Variants in ZNF571 observed in about 807,000 individuals in gnomAD.
ZNF571 encodes the protein zinc finger protein 571.
Under a neutral mutation model 7.7 loss-of-function variants are expected in ZNF571, and 4 were observed. The ratio of observed to expected loss-of-function variants is 0.52; its 90% confidence interval spans 0.25 to 1.18. The LOEUF (loss-of-function observed/expected upper bound fraction) is 1.18. Ranked by LOEUF, ZNF571 falls within the 50% of genes most tolerant of loss-of-function variation. The pLI, the probability that ZNF571 is intolerant of heterozygous loss-of-function variation, is 0.14. For missense variants in ZNF571, 704 were observed against 726.9 expected (o/e 0.97, Z 0.36); for synonymous variants, 251 against 232.4 (o/e 1.08, Z -0.73).
intron 1 of ZNF571, among the ~76,000 whole-genome samples, chr19:37,588,864 A>G (rs2043774302): frequency 6.6e-6 from 1 of 152,226 alleles, no homozygotes; most frequent in African/African-American, 2.4e-5. Flanking sequence ...TTTATAACAC[A>G]TACCCAAATT....
intron 2 of ZNF571, chr19:37,586,006 T>C (rs73033122): frequency 0.27 from 40,651 of 152,166 alleles, 6,475 homozygotes; most frequent in Non-Finnish European, 0.37. Context: ...TCTCCAGTCC[T>C]CTAGAACCTC....
At chr19:37,594,711 G>C (rs1221898127) in intron 1 of ZNF571, 30 bp downstream of exon 1, 1 of 152,304 alleles carries the variant, frequency 6.6e-6, no homozygotes, top group South Asian at 2.1e-4. Flanking sequence ...CAAAAGCTGC[G>C]AGCGGTTCCC....
intron 2 of ZNF571, 143 bp from the exon 3 acceptor site, chr19:37,584,240 T>C (rs1474657944): frequency 1.0e-6 from 1 of 1,000,576 alleles, no homozygotes; most frequent in African/African-American, 1.6e-5. Context: ...ATTAACCTGA[T>C]TCTCTATCAT....
intron 1 of ZNF571, among the ~76,000 whole-genome samples, chr19:37,588,627 G>A (rs1265372736): frequency 2.0e-5 from 3 of 152,136 alleles, no homozygotes; most frequent in African/African-American, 7.2e-5. Context: ...CTACCTGGGT[G>A]ACTGGATCAT....
intron 3 of ZNF571, among the ~76,000 whole-genome samples, chr19:37,582,495 C>T (rs2043506633): frequency 6.6e-6 from 1 of 152,154 alleles, no homozygotes; most frequent in Admixed American, 6.6e-5. Context: ...TTGAGCTGTA[C>T]CTTGCCTTCC....
rs1220712849 is a variant in ZNF571, at chr19:37,570,983, C to T, written c.137-4692G>A. ...ACAAATTACTCTAATTTTAAATCTA[C>T]TAACAGTATATAGCCTATTTCTAAT... On this transcript the variant is annotated intron_variant, in intron 3 of 3. Coordinates refer to ENST00000451802, the MANE Select transcript of ZNF571 (RefSeq NM_016536.5). Among the ~76,000 whole-genome samples, 3 of 152,198 alleles carry T rather than the reference C, an allele frequency of 2.0e-5. 1 individual carries two copies. The highest frequency in any genetic ancestry group is 1.3e-4 in the Admixed American group (2 of 15,282).
intron 3 of ZNF571, among the ~76,000 whole-genome samples, chr19:37,573,968 C>A (rs2043157317): frequency 6.6e-6 from 1 of 152,186 alleles, no homozygotes; most frequent in Admixed American, 6.5e-5. Context: ...CACCTCAAAC[C>A]TAGGTCTCCT....
Position 37,564,937 on chromosome 19 carries a change from T to C in ZNF571, c.1491A>G (p.Thr497=). Residue 497 remains threonine (T), a synonymous_variant, in exon 4 of 4, where the codon ACA becomes ACG. Coordinates refer to ENST00000451802, the MANE Select transcript of ZNF571 (RefSeq NM_016536.5). ...TQLTYHQRIH[T]GEKPYKCKEC... ...CCTTACATTTGTAGGGCTTTTCACC[T>C]GTATGAATTCTTTGATGATATGTAA... is the stretch of plus-strand genomic sequence containing the variant. 6.2e-7 allele frequency: 1 copy of C among 1,613,680 alleles called. No homozygotes were observed. The highest frequency in any genetic ancestry group is 8.5e-7 in the Non-Finnish European group (1 of 1,179,846).
Position 37,565,622 on chromosome 19 carries a change from T to A in ZNF571, c.806A>T (p.His269Leu). ...AFSYCSQYTLHQRIHSGEKPY... is the reference protein window; with the variant it reads ...AFSYCSQYTLLQRIHSGEKPY... ...TTTTTCACCACTATGAATTCTCTGA[T>A]GAAGAGTATATTGTGAACAATAACT... The change falls in exon 4 of 4, where the codon CAT (histidine) becomes CTT (leucine). Residue 269 changes from histidine to leucine, a missense_variant. Coordinates refer to ENST00000451802, the MANE Select transcript of ZNF571 (RefSeq NM_016536.5). 1 of 1,613,516 alleles carries A rather than the reference T, an allele frequency of 6.2e-7. No individual in the cohort carries two copies. Among genetic ancestry groups the A allele is most frequent in the Non-Finnish European group, 8.5e-7 (1 of 1,179,818 alleles).
At chr19:37,594,372 A>C (rs986021259) in intron 1 of ZNF571, 1 of 152,372 alleles carries the variant, frequency 6.6e-6, no homozygotes, top group Non-Finnish European at 1.5e-5. Context: ...GCACAAGCGC[A>C]CACGCACACG....
At position 37,566,218 on chromosome 19, in the gene ZNF571, C is replaced by T; in HGVS notation, c.210G>A (p.Trp70Ter). The change falls in exon 4 of 4, where the codon TGG becomes TGA. Residue 70 changes from tryptophan to a stop codon, truncating the protein, a stop_gained. Transcript: ENST00000451802. LOFTEE classifies it low-confidence loss of function (END_TRUNC). ...GGTTGATACGTTTCCCCATATTCTC[C>T]CACTGGAGTGATTCCATTTCATAAA... ...KEIYEMESLQ[W>*]ENMGKRINHH... The T allele has an allele frequency of 1.9e-6, 3 of 1,613,844 alleles. No homozygotes were observed. Among genetic ancestry groups the T allele is most frequent in the Non-Finnish European group, 2.5e-6 (3 of 1,179,878 alleles).
At chr19:37,583,825 A>C (rs1248352105) in intron 3 of ZNF571, 146 bp downstream of exon 3, 3 of 740,258 alleles carry the variant, frequency 4.1e-6, no homozygotes, top group Non-Finnish European at 6.6e-6. Flanking sequence ...AAAGGATAAG[A>C]GATAAAAAGG....
intron 3 of ZNF571, chr19:37,575,710 C>T (rs1328466460): frequency 6.6e-6 from 1 of 152,168 alleles, no homozygotes; most frequent in African/African-American, 2.4e-5. Flanking sequence ...TCCATGATCA[C>T]ACATCACTGT....
chr19:37,582,451 T>C (rs1047495555), intron 3 of ZNF571, among the ~76,000 whole-genome samples: 2 of 152,212 alleles, frequency 1.3e-5, no homozygotes, highest in African/African-American at 4.8e-5. Flanking sequence ...ATTGTTTTCC[T>C]GACTGAATGT....
rs780191337 is a variant in ZNF571, at chr19:37,565,070, C to T, written c.1358G>A (p.Gly453Glu). 12 of 1,613,212 alleles carry T rather than the reference C, an allele frequency of 7.4e-6. No individual in the cohort carries two copies. The highest frequency in any genetic ancestry group is 1.7e-5 in the Admixed American group (1 of 59,964). Residue 453 changes from glycine to glutamate, a missense_variant, in exon 4 of 4, where the codon GGA (glycine) becomes GAA (glutamate). Transcript: ENST00000451802. ...GEKPFECKEC[G>E]KAFIRVAYLT... ...ATATGCAACACGAATAAAGGCCTTT[C>T]CACATTCCTTACATTCAAAGGGTTT...
At chr19:37,593,099 A>G (rs532456503) in intron 1 of ZNF571, among the ~76,000 whole-genome samples, 1 of 152,312 alleles carries the variant, frequency 6.6e-6, no homozygotes, top group African/African-American at 2.4e-5. Flanking sequence ...ATAAGAAACA[A>G]ATTTATTGTT....
At chr19:37,582,386 T>C (rs2043501849) in intron 3 of ZNF571, among the ~76,000 whole-genome samples, 1 of 152,220 alleles carries the variant, frequency 6.6e-6, no homozygotes, top group African/African-American at 2.4e-5. Context: ...ATACACTGCA[T>C]TCCCTCTTCC....
intron 3 of ZNF571, among the ~76,000 whole-genome samples, chr19:37,566,717 C>G (rs1050044900): frequency 8.5e-5 from 13 of 152,168 alleles, no homozygotes; most frequent in African/African-American, 2.7e-4. Context: ...GTCATAACCT[C>G]TTAGCTGGTT....
At position 37,565,953 on chromosome 19, in the gene ZNF571, C is replaced by T. The variant is rs748888414; in HGVS notation, c.475G>A (p.Glu159Lys). The T allele has an allele frequency of 2.4e-5, 39 of 1,613,640 alleles. No homozygotes were observed. Among genetic ancestry groups the T allele is most frequent in the Non-Finnish European group, 3.1e-5 (37 of 1,179,774 alleles). The change falls in exon 4 of 4, where the codon GAA (glutamate) becomes AAA (lysine). Residue 159 changes from glutamate to lysine, a missense_variant. By Grantham distance (56) the Glu-to-Lys change is moderately conservative (BLOSUM62 1). Coordinates refer to ENST00000451802, the MANE Select transcript of ZNF571 (RefSeq NM_016536.5). Reference sequence around the variant, plus strand: ...GAGCATTTTTCTATATTATGATTTTCCTCATGTTGAATAAGGCATGACAGG... The same window carrying T: ...GAGCATTTTTCTATATTATGATTTTTCTCATGTTGAATAAGGCATGACAGG... ...SYLSCLIQHE[E>K]NHNIEKCSEV...
Sources: gnomAD v4.1 joint callset for allele counts (sites outside exome capture counted in the v4.1 genomes callset) on GRCh38, gnomAD v4.1.1 for gene constraint, MANE v1.5 for transcripts, NCBI Gene and HGNC (gene_info 2026-07-23, HGNC 2026-07-21) for gene names.